The following SOX6 variants were observed in gnomAD, a reference collection of about 807,000 sequenced individuals.
SOX6 encodes transcription factor SOX-6.
SOX6 carries 11 observed loss-of-function variants against 97.8 expected under a neutral mutation model. The observed-to-expected ratio is 0.11, with a 90% CI of 0.07 to 0.19. The LOEUF is 0.19. Among genes scored for constraint, SOX6 ranks in the 10% least tolerant of loss-of-function variants. SOX6 has a pLI of 1.00. For synonymous variants in SOX6, 360 were observed against 371.4 expected (o/e 0.97, Z 0.35); for missense variants, 810 against 1,039.5 (o/e 0.78, Z 3.04).
In SOX6 at chr11:16,350,569, A is replaced by G. The variant is rs539310764; in HGVS notation, c.-5+5525T>C. ...TATTTCCTAAACTTCGATGATGAGT[A>G]ATTTAATCAATTCCTGAAATTATAC... is the stretch of plus-strand genomic sequence containing the variant. On this transcript the variant is annotated intron_variant, in intron 1 of 15. Transcript: ENST00000683767. 2.6e-5 allele frequency among the ~76,000 whole-genome samples: 4 copies of G among 152,298 alleles called. No individual in the cohort carries two copies. In the South Asian group the frequency reaches 8.3e-4, roughly 32 times the overall value.
At chr11:16,582,656 A>G (rs1848042145) in intron 4 of SOX6, among the ~76,000 whole-genome samples, 1 of 152,134 alleles carries the variant, frequency 6.6e-6, no homozygotes, top group African/African-American at 2.4e-5. Context: ...AACCACAGAT[A>G]CAAAAAAGAA....
At chr11:16,254,478 G>A (rs1326611634) in intron 3 of SOX6, among the ~76,000 whole-genome samples, 2 of 151,984 alleles carry the variant, frequency 1.3e-5, no homozygotes, top group African/African-American at 4.8e-5. Context: ...AGTAATACAA[G>A]GGATGGGATA....
At chr11:16,600,535 TGAGA>T (rs1178298981) in intron 4 of SOX6, among the ~76,000 whole-genome samples, 2 of 152,204 alleles carry the variant, frequency 1.3e-5, no homozygotes, top group Non-Finnish European at 2.9e-5. Context: ...TTTTTGGAGC[TGAGA>T]GAGTCTGCAG....
chr11:15,974,944 C>A (rs1373262028), intron 15 of SOX6, among the ~76,000 whole-genome samples: 4 of 152,164 alleles, frequency 2.6e-5, no homozygotes, highest in Non-Finnish European at 4.4e-5. Flanking sequence ...CATTCAATAA[C>A]CAGCAGAGCC....
chr11:16,172,900 T>G (rs1269554328), intron 6 of SOX6, among the ~76,000 whole-genome samples: 2 of 151,948 alleles, frequency 1.3e-5, no homozygotes. Flanking sequence ...GTTCTAATAC[T>G]ATTTCGTCTC....
chr11:16,231,933 T>C (rs1295025662), intron 4 of SOX6, among the ~76,000 whole-genome samples: 2 of 151,888 alleles, frequency 1.3e-5, no homozygotes, highest in African/African-American at 2.4e-5. Flanking sequence ...TAAGTATGCA[T>C]AATTTAAAAT....
intron 6 of SOX6, among the ~76,000 whole-genome samples, chr11:16,131,399 A>T (rs1042627595): frequency 3.9e-5 from 6 of 151,920 alleles, no homozygotes; most frequent in Non-Finnish European, 7.4e-5. Flanking sequence ...AAACCACAAC[A>T]AGATACCCCT....
intron 1 of SOX6, among the ~76,000 whole-genome samples, chr11:16,400,493 G>A (rs558545727): frequency 5.3e-5 from 8 of 151,384 alleles, no homozygotes; most frequent in East Asian, 3.9e-4. Context: ...CTATAATAGC[G>A]AAAAGCTATA....
chr11:16,686,736 C>T (rs925369717), intron 3 of SOX6, among the ~76,000 whole-genome samples: 2 of 152,134 alleles, frequency 1.3e-5, no homozygotes, highest in Non-Finnish European at 2.9e-5. Context: ...TCCACATTTT[C>T]AGGTAGCTTT....
At position 16,239,308 on chromosome 11, in the gene SOX6, T is replaced by A. The variant is rs1026693988; in HGVS notation, c.446-4637A>T. 2.6e-4 allele frequency among the ~76,000 whole-genome samples: 40 copies of A among 152,026 alleles called. 1 individual carries two copies. Among genetic ancestry groups the A allele is most frequent in the Non-Finnish European group, 2.9e-5 (2 of 67,986 alleles). On this transcript the variant is annotated intron_variant, in intron 3 of 15. Transcript: ENST00000683767. ...ACGACTGCTCATGCTCTTCTCTCTC[T>A]CTCCCCCTCTCCCTCTCTCTCCAAT...
chr11:16,136,488 A>G (rs1849968234), intron 6 of SOX6, among the ~76,000 whole-genome samples: 1 of 150,558 alleles, frequency 6.6e-6, no homozygotes, highest in Non-Finnish European at 1.5e-5. Context: ...GCCACCTCAA[A>G]CTCCTAGGCT....
At chr11:16,397,634 T>C (rs1186609041) in intron 1 of SOX6, 1 of 151,716 alleles carries the variant, frequency 6.6e-6, no homozygotes, top group Non-Finnish European at 1.5e-5. Context: ...GCCCAACTCA[T>C]GCTAATCAAT....
intron 3 of SOX6, among the ~76,000 whole-genome samples, chr11:16,641,080 A>C (rs1848904797): frequency 6.6e-6 from 1 of 152,136 alleles, no homozygotes; most frequent in Admixed American, 6.5e-5. Context: ...CACTGCTTTA[A>C]ATGTGTCCCA....
chr11:16,383,635 C>A lies in SOX6; in HGVS notation c.-4-42383G>T, dbSNP rs566627113. On this transcript the variant is annotated intron_variant, in intron 1 of 15. Coordinates refer to the SOX6 transcript ENST00000396356. The stretch of plus-strand genomic sequence containing the variant: ...TATACTAAGTGCTCAATAAATGGAT[C>A]TTTAATACCCTTAAAATATGAACTA... Among the ~76,000 whole-genome samples the A allele has an allele frequency of 7.2e-5, 11 of 152,066 alleles. No homozygotes were observed. The South Asian group carries it at 2.1e-3, about 29-fold the overall frequency.
intron 6 of SOX6, among the ~76,000 whole-genome samples, chr11:16,139,418 A>G (rs1404505367): frequency 1.3e-5 from 2 of 151,884 alleles, no homozygotes; most frequent in African/African-American, 2.4e-5. Flanking sequence ...CTTCTCTTTT[A>G]TTTTTTCATT....
rs76218238 is a variant in SOX6, at chr11:16,111,824, G to A, written c.877C>T (p.Pro293Ser). 1.9e-4 allele frequency: 308 copies of A among 1,613,092 alleles called. No homozygotes were observed. The highest frequency in any genetic ancestry group is 2.5e-4 in the Non-Finnish European group (294 of 1,179,930). The change falls in exon 7 of 16, where the codon CCT becomes TCT. Residue 293 changes from proline to serine, a missense_variant. Pro to Ser is a moderately conservative substitution (Grantham distance 74, BLOSUM62 -1). Coordinates refer to ENST00000683767, the MANE Select transcript of SOX6 (RefSeq NM_001367873.1). ...TTACCTGGTTTGTATGTTATTCCAG[G>A]GGGGAAGAGGAATCCCTGTTGGGCA... ...AAAQQGFLFP[P>S]GITYKPGDNY...
intron 1 of SOX6, among the ~76,000 whole-genome samples, chr11:16,404,379 T>G (rs932173228): frequency 1.3e-5 from 2 of 151,922 alleles, no homozygotes; most frequent in African/African-American, 4.8e-5. Flanking sequence ...ACGGGAATTC[T>G]GCAACACTAC....
At chr11:16,531,920 T>C (rs564551621) in intron 4 of SOX6, among the ~76,000 whole-genome samples, 2 of 152,076 alleles carry the variant, frequency 1.3e-5, no homozygotes, top group African/African-American at 4.8e-5. Context: ...CCAATATTTC[T>C]TCTGATTTTT....
chr11:16,516,570 A>G (rs1391436468), intron 4 of SOX6, among the ~76,000 whole-genome samples: 2 of 152,108 alleles, frequency 1.3e-5, no homozygotes, highest in Non-Finnish European at 2.9e-5. Flanking sequence ...ACAAACTAGA[A>G]AATCTAGAAG....
Sources: gnomAD v4.1 joint callset for allele counts (sites outside exome capture counted in the v4.1 genomes callset) on GRCh38, gnomAD v4.1.1 for gene constraint, MANE v1.5 for transcripts, NCBI Gene and HGNC (gene_info 2026-07-23, HGNC 2026-07-21) for gene names.